Variants in TRAIP observed in about 807,000 individuals in gnomAD.
TRAIP encodes the protein TRAF interacting protein.
In TRAIP, 37 loss-of-function variants were observed where a neutral mutation model predicts 65.0. That is an observed-to-expected ratio of 0.57 (90% CI 0.44 to 0.75). The LOEUF is 0.75. Ranked by LOEUF, TRAIP falls within the 30% of genes least tolerant of loss-of-function variation. The pLI, the probability that TRAIP is intolerant of heterozygous loss-of-function variation, is 0.00. For synonymous variants in TRAIP, 187 were observed against 219.1 expected (o/e 0.85, Z 1.29); for missense variants, 481 against 579.4 (o/e 0.83, Z 1.74).
rs531391341 is a variant in TRAIP, at chr3:49,841,840, A to G, written c.603T>C (p.Cys201=). 102 of 1,614,148 alleles carry G rather than the reference A, an allele frequency of 6.3e-5. No homozygotes were observed. The South Asian group carries it at 8.7e-4, about 14-fold the overall frequency. ...ACAGTACGCACTTCTTGAGAGACACACAGTACACAGCCAGCTGTTCCACCG... is the reference window on the plus strand; with the variant it reads ...ACAGTACGCACTTCTTGAGAGACACGCAGTACACAGCCAGCTGTTCCACCG... ...QSAVEQLAVY[C]VSLKKEYENL... Residue 201 remains cysteine (C), a synonymous_variant, in exon 7 of 15, where the codon TGT becomes TGC. Coordinates refer to ENST00000331456, the MANE Select transcript of TRAIP (RefSeq NM_005879.3).
intron 14 of TRAIP, 51 bp downstream of exon 14, chr3:49,829,407 T>G: frequency 6.2e-7 from 1 of 1,613,632 alleles, no homozygotes; most frequent in Non-Finnish European, 8.5e-7. Context: ...AGGTGAGGCA[T>G]AGTATGGGCT....
chr3:49,831,208 C>T (rs1029272553), intron 11 of TRAIP, among the ~76,000 whole-genome samples: 7 of 152,346 alleles, frequency 4.6e-5, no homozygotes, highest in African/African-American at 1.2e-4. Flanking sequence ...TCCCTTCCAC[C>T]TCCACTGTCT....
intron 10 of TRAIP, among the ~76,000 whole-genome samples, chr3:49,832,760 G>A (rs1478504812): frequency 1.5e-5 from 2 of 134,880 alleles, no homozygotes; most frequent in East Asian, 2.4e-4. Context: ...AACTACAGCC[G>A]ACAGGATTCT....
At chr3:49,834,753 A>G (rs1030203904) in intron 10 of TRAIP, among the ~76,000 whole-genome samples, 3 of 152,206 alleles carry the variant, frequency 2.0e-5, no homozygotes, top group African/African-American at 7.2e-5. Flanking sequence ...AAAGTAGCCA[A>G]GGACCACCAG....
intron 10 of TRAIP, among the ~76,000 whole-genome samples, chr3:49,834,430 T>C (rs1404946032): frequency 6.6e-6 from 1 of 151,962 alleles, no homozygotes; most frequent in African/African-American, 2.4e-5. Flanking sequence ...AGGGGGTCCA[T>C]GAAGGAAAGG....
rs1345306554 is a variant in TRAIP at position 49,828,907 on chromosome 3, C to T, written c.*196G>A. On this transcript the variant is annotated 3_prime_UTR_variant, in exon 15 of 15. Transcript: ENST00000331456. ...GATCAGTGGGCTGGTCATGTCAGCTCCCAGTCGTAGGAGTGGGGCAGGGTG... is the reference window on the plus strand; with the variant it reads ...GATCAGTGGGCTGGTCATGTCAGCTTCCAGTCGTAGGAGTGGGGCAGGGTG... The T allele has an allele frequency of 3.0e-6, 2 of 676,822 alleles. No homozygotes were observed. The highest frequency in any genetic ancestry group is 5.0e-6 in the Non-Finnish European group (2 of 397,910). The allele number at this position is 676,822 out of a possible 1,614,324, so 41.9% of individuals were successfully genotyped here.
At chr3:49,848,997 C>T (rs748207365) in intron 1 of TRAIP, among the ~76,000 whole-genome samples, 36 of 151,994 alleles carry the variant, frequency 2.4e-4, no homozygotes, top group African/African-American at 6.0e-4. Context: ...CAGGCATGCG[C>T]GACCACGCCC....
At chr3:49,831,832 T>C (rs912869191) in intron 11 of TRAIP, 84 bp downstream of exon 11, 14 of 1,389,730 alleles carry the variant, frequency 1.0e-5, no homozygotes, top group African/African-American at 1.5e-5. Context: ...CATCAGCCAC[T>C]CAGAGCTAAC....
In TRAIP at chr3:49,847,420, A is replaced by G. The variant is rs891627322; in HGVS notation, c.240+105T>C. The G allele has an allele frequency of 1.7e-3, 867 of 518,010 alleles. 9 individuals are homozygous for G. The African/African-American group carries it at 0.025, about 15-fold the overall frequency. 32.1% of individuals were successfully genotyped at this position (518,010 alleles called of 1,614,324 possible). A position where few individuals can be genotyped will look rare whatever the true frequency, so the allele number is the denominator to read the frequency against. ...GAAAAGAAAAGAAAAGAAAAGAGAAAAGAGAAGAGAAGAGAAGAGAAGAGA... is the reference window on the plus strand; with the variant it reads ...GAAAAGAAAAGAAAAGAAAAGAGAAGAGAGAAGAGAAGAGAAGAGAAGAGA... On this transcript the variant is annotated intron_variant, in intron 3 of 14. Coordinates refer to ENST00000331456, the MANE Select transcript of TRAIP (RefSeq NM_005879.3).
intron 10 of TRAIP, among the ~76,000 whole-genome samples, chr3:49,833,461 T>G (rs2081753244): frequency 6.6e-6 from 1 of 151,834 alleles, no homozygotes; most frequent in Admixed American, 6.6e-5. Flanking sequence ...ATGGACACAT[T>G]TCTTCCTCTC....
rs1344319889 is a variant in TRAIP, at chr3:49,840,555, A to C, written c.706-182T>G. 4.0e-5 allele frequency: 24 copies of C among 592,854 alleles called. No individual in the cohort carries two copies. The Admixed American group carries it at 7.1e-4, about 17-fold the overall frequency. 36.7% of individuals were successfully genotyped at this position (592,854 alleles called of 1,614,324 possible). A position where few individuals can be genotyped will look rare whatever the true frequency, so the allele number is the denominator to read the frequency against. On this transcript the variant is annotated intron_variant, in intron 8 of 14. Coordinates refer to ENST00000331456, the MANE Select transcript of TRAIP (RefSeq NM_005879.3). The stretch of plus-strand genomic sequence containing the variant: ...TGCACATCCGGAGCTGCCTAGAAGC[A>C]AAGGCTGCTTCCTACATCCTGCAGC...
In TRAIP at chr3:49,841,080, G is replaced by A; in HGVS notation, c.618-8C>T. ...TTTAGATTCTCGTACTCTCTGCAATGTGGCCATGGAAAGAGATGCCAGAAA... is the reference window on the plus strand; with the variant it reads ...TTTAGATTCTCGTACTCTCTGCAATATGGCCATGGAAAGAGATGCCAGAAA... On this transcript the variant is annotated splice_region_variant and splice_polypyrimidine_tract_variant and intron_variant, in intron 7 of 14. Transcript: ENST00000331456. 1 of 1,613,600 alleles carries A rather than the reference G, an allele frequency of 6.2e-7. No homozygotes were observed. The highest frequency in any genetic ancestry group is 1.3e-5 in the African/African-American group (1 of 75,032).
intron 1 of TRAIP, among the ~76,000 whole-genome samples, chr3:49,853,415 G>A (rs1456214210): frequency 6.6e-6 from 1 of 152,072 alleles, no homozygotes; most frequent in Non-Finnish European, 1.5e-5. Context: ...GACCAGCCTG[G>A]CTAACATAGC....
chr3:49,838,359 T>G (rs2081805852), intron 10 of TRAIP, among the ~76,000 whole-genome samples: 1 of 152,216 alleles, frequency 6.6e-6, no homozygotes, highest in East Asian at 1.9e-4. Context: ...GGCCCTGGCA[T>G]GAAGCTTACT....
intron 10 of TRAIP, among the ~76,000 whole-genome samples, chr3:49,836,785 T>C (rs1476680842): frequency 6.6e-5 from 10 of 152,126 alleles, no homozygotes. Flanking sequence ...AGTGAAAATT[T>C]ACTGAAGTTT....
Position 49,828,942 on chromosome 3 carries a change from A to C in TRAIP, c.*161T>G. On this transcript the variant is annotated 3_prime_UTR_variant, in exon 15 of 15. Coordinates refer to ENST00000331456, the MANE Select transcript of TRAIP (RefSeq NM_005879.3). Reference sequence around the variant, plus strand: ...GGAGTGGGGCAGGGTGAGGGCAGGAAGAGCAGTCTCTGGGTGCCACACTCA... The same window carrying C: ...GGAGTGGGGCAGGGTGAGGGCAGGACGAGCAGTCTCTGGGTGCCACACTCA... 1 of 938,890 alleles carries C rather than the reference A, an allele frequency of 1.1e-6. No homozygotes were observed. Among genetic ancestry groups the C allele is most frequent in the Non-Finnish European group, 1.6e-6 (1 of 606,776 alleles). 58.2% of individuals were successfully genotyped at this position (938,890 alleles called of 1,614,324 possible).
chr3:49,832,076 C>T lies in TRAIP; in HGVS notation c.885-8G>A. On this transcript the variant is annotated splice_region_variant and splice_polypyrimidine_tract_variant and intron_variant, in intron 10 of 14. Transcript: ENST00000331456. ...ACCTCCACAGGGGCTGGGCTGAAGG[C>T]AGAGATGACCTGGTTACTTGGGGCC... 1 of 1,570,628 alleles carries T rather than the reference C, an allele frequency of 6.4e-7. No homozygotes were observed. The highest frequency in any genetic ancestry group is 8.6e-7 in the Non-Finnish European group (1 of 1,157,884).
At chr3:49,832,327 T>C (rs2081741451) in intron 10 of TRAIP, among the ~76,000 whole-genome samples, 1 of 151,796 alleles carries the variant, frequency 6.6e-6, no homozygotes, top group Admixed American at 6.6e-5. Flanking sequence ...CCCATCCTAC[T>C]AAAAATACAA....
At chr3:49,852,604 A>T (rs2081942193) in intron 1 of TRAIP, among the ~76,000 whole-genome samples, 1 of 151,240 alleles carries the variant, frequency 6.6e-6, no homozygotes, top group Admixed American at 6.6e-5. Flanking sequence ...AAATACAAAA[A>T]ATTAGCTGGG....
Sources: gnomAD v4.1 joint callset for allele counts (sites outside exome capture counted in the v4.1 genomes callset) on GRCh38, gnomAD v4.1.1 for gene constraint, MANE v1.5 for transcripts, NCBI Gene and HGNC (gene_info 2026-07-23, HGNC 2026-07-21) for gene names.